Variants in HECW2 observed in about 807,000 individuals in gnomAD.
The protein encoded by HECW2 is E3 ubiquitin-protein ligase HECW2.
HECW2 carries 61 observed loss-of-function variants against 175.2 expected under a neutral mutation model. That is an observed-to-expected ratio of 0.35 (90% CI 0.28 to 0.43). The LOEUF (loss-of-function observed/expected upper bound fraction) is 0.43, where lower values mean the gene tolerates loss of function less well. Ranked by LOEUF, HECW2 falls within the 20% of genes least tolerant of loss-of-function variation. The probability of loss-of-function intolerance (pLI) is 1.00; values close to 1 mark genes in which losing one functional copy is unlikely to be tolerated. For missense variants in HECW2, 1,524 were observed against 2,000.5 expected, an observed-to-expected ratio of 0.76 and a Z score of 4.54; for synonymous variants, 671 against 731.0, an observed-to-expected ratio of 0.92 and a Z score of 1.32.
chr2:196,271,115 C>T, intron 17 of HECW2, 78 bp downstream of exon 17: 8 of 843,572 alleles, frequency 9.5e-6, no homozygotes, highest in South Asian at 3.1e-5. Context: ...AATAAATTTC[C>T]AAGACAACTA....
intron 17 of HECW2, among the ~76,000 whole-genome samples, chr2:196,261,426 A>G (rs1689288235): frequency 6.6e-6 from 1 of 152,232 alleles, no homozygotes. Flanking sequence ...ATCCTTCAGT[A>G]TTGTATTTCA....
intron 2 of HECW2, among the ~76,000 whole-genome samples, chr2:196,404,086 T>C (rs1000747363): frequency 7.2e-5 from 11 of 152,168 alleles, no homozygotes; most frequent in African/African-American, 1.9e-4. Context: ...CTAAATGCAA[T>C]TGAGTGCCAG....
Position 196,318,657 on chromosome 2 carries a change from C to G in HECW2, c.2233G>C (p.Gly745Arg). The change falls in exon 9 of 29, where the codon GGA (glycine) becomes CGA (arginine). Residue 745 changes from glycine (G) to arginine (R), a missense_variant. Transcript: ENST00000644978. ...GGGCTCTCGGCAGCAGCTGCAGCTCCCTCCAGGCTCCCCCTCCGCTGCCAG... is the reference window on the plus strand; with the variant it reads ...GGGCTCTCGGCAGCAGCTGCAGCTCGCTCCAGGCTCCCCCTCCGCTGCCAG... ...EVWQRRGSLE[G>R]AAAAAESPPQ... is the part of the protein sequence containing the mutation. 1 of 1,601,002 alleles carries G rather than the reference C, an allele frequency of 6.2e-7. No homozygotes were observed. The highest frequency in any genetic ancestry group is 8.5e-7 in the Non-Finnish European group (1 of 1,173,200).
intron 2 of HECW2, among the ~76,000 whole-genome samples, chr2:196,387,211 A>G (rs989077599): frequency 1.3e-5 from 2 of 152,192 alleles, no homozygotes; most frequent in African/African-American, 4.8e-5. Context: ...GATCTCCATT[A>G]GTTAGAATAT....
At chr2:196,362,859 G>A (rs1235660968) in intron 2 of HECW2, among the ~76,000 whole-genome samples, 1 of 152,154 alleles carries the variant, frequency 6.6e-6, no homozygotes, top group African/African-American at 2.4e-5. Flanking sequence ...CTGGTTTAAT[G>A]TAATCAAAGG....
intron 2 of HECW2, among the ~76,000 whole-genome samples, chr2:196,362,742 G>C (rs985974629): frequency 2.1e-4 from 32 of 152,182 alleles, no homozygotes; most frequent in African/African-American, 7.7e-4. Flanking sequence ...ATACTGGAAA[G>C]AGTTGGGGTA....
At chr2:196,562,561 T>C (rs1048652827) in intron 1 of HECW2, among the ~76,000 whole-genome samples, 2 of 152,138 alleles carry the variant, frequency 1.3e-5, no homozygotes, top group African/African-American at 4.8e-5. Context: ...GGAAAGATAA[T>C]GGAAAATGAG....
At chr2:196,256,270 A>C (rs920777361) in intron 18 of HECW2, among the ~76,000 whole-genome samples, 2 of 152,184 alleles carry the variant, frequency 1.3e-5, no homozygotes, top group African/African-American at 4.8e-5. Context: ...TTATAGAACT[A>C]TTATATGTAA....
chr2:196,433,096 T>C, intron 2 of HECW2, 36 bp downstream of exon 2: 1 of 1,554,058 alleles, frequency 6.4e-7, no homozygotes, highest in Non-Finnish European at 8.7e-7. Flanking sequence ...ACTTGTATGC[T>C]CTGAGTCACA....
chr2:196,504,103 C>CTGGA (rs1687667104), intron 1 of HECW2, among the ~76,000 whole-genome samples: 1 of 152,064 alleles, frequency 6.6e-6, no homozygotes, highest in African/African-American at 2.4e-5. Context: ...TGAGACCAGC[C>CTGGA]TGGATAACAT....
chr2:196,537,272 G>A (rs981664887), intron 1 of HECW2, among the ~76,000 whole-genome samples: 1 of 152,204 alleles, frequency 6.6e-6, no homozygotes, highest in African/African-American at 2.4e-5. Context: ...AAACCTGTGT[G>A]GAAACTGAGA....
intron 1 of HECW2, among the ~76,000 whole-genome samples, chr2:196,433,732 T>A (rs887599247): frequency 2.6e-5 from 4 of 152,156 alleles, no homozygotes; most frequent in Non-Finnish European, 5.9e-5. Context: ...AGGAGAGGAT[T>A]TCCTTGCCAT....
In HECW2 at chr2:196,323,908, G is replaced by GTTTTTT. The variant is rs1227754141; in HGVS notation, c.741+1066_741+1071dup. ...TGGCATGCCCTTAAGAGTTTTTTTT[G>GTTTTTT]TTTTTTGTTTGTTTTTTTTTTTTTT... On this transcript the variant is annotated intron_variant, in intron 6 of 28. Coordinates refer to ENST00000644978, the MANE Select transcript of HECW2 (RefSeq NM_001348768.2). 2.1e-4 allele frequency among the ~76,000 whole-genome samples: 13 copies of GTTTTTT among 63,216 alleles called. 1 individual carries two copies. The highest frequency in any genetic ancestry group is 6.1e-4 in the African/African-American group (8 of 13,168). 41.5% of individuals were successfully genotyped at this position (63,216 alleles called of 152,430 possible).
intron 2 of HECW2, 104 bp downstream of exon 2, chr2:196,433,028 G>T: frequency 9.9e-7 from 1 of 1,007,068 alleles, no homozygotes; most frequent in Non-Finnish European, 1.5e-6. Flanking sequence ...ATGTGTATAT[G>T]TGCATGTGAA....
At chr2:196,373,692 G>A (rs1693967568) in intron 2 of HECW2, among the ~76,000 whole-genome samples, 1 of 151,854 alleles carries the variant, frequency 6.6e-6, no homozygotes, top group Non-Finnish European at 1.5e-5. Flanking sequence ...AGTACAAGGG[G>A]AAACAAACAA....
At chr2:196,586,249 T>C (rs1223610981) in intron 1 of HECW2, among the ~76,000 whole-genome samples, 3 of 152,214 alleles carry the variant, frequency 2.0e-5, no homozygotes, top group East Asian at 1.9e-4. Flanking sequence ...CATATTGTTT[T>C]ATTTGTTAAT....
At chr2:196,493,806 G>A (rs1328469262) in intron 1 of HECW2, among the ~76,000 whole-genome samples, 1 of 152,134 alleles carries the variant, frequency 6.6e-6, no homozygotes, top group Non-Finnish European at 1.5e-5. Context: ...ATTTGGGGGA[G>A]GAGGGAGAAG....
intron 1 of HECW2, among the ~76,000 whole-genome samples, chr2:196,446,442 C>T (rs978383497): frequency 2.0e-5 from 3 of 152,162 alleles, no homozygotes; most frequent in African/African-American, 7.2e-5. Flanking sequence ...TCTCCTCCCC[C>T]TAGAATGTAT....
intron 1 of HECW2, among the ~76,000 whole-genome samples, chr2:196,456,681 T>C (rs1696526199): frequency 6.6e-6 from 1 of 152,212 alleles, no homozygotes; most frequent in East Asian, 1.9e-4. Context: ...CCAGATGGTC[T>C]TCTTTTTTAC....
Sources: allele counts gnomAD v4.1 joint callset (sites outside exome capture counted in the v4.1 genomes callset), GRCh38; gene constraint gnomAD v4.1.1; transcripts MANE v1.5; gene names NCBI Gene and HGNC (gene_info 2026-07-23, HGNC 2026-07-21).